The following BIRC6 variants were observed in gnomAD, a reference collection of about 807,000 sequenced individuals.
BIRC6 encodes the protein dual E2 ubiquitin-conjugating enzyme/E3 ubiquitin-protein ligase BIRC6.
In BIRC6, 98 loss-of-function variants were observed where a neutral mutation model predicts 503.3. That is an observed-to-expected ratio of 0.19 (90% CI 0.17 to 0.23). BIRC6 has a LOEUF of 0.23. Among genes scored for constraint, BIRC6 ranks in the 10% least tolerant of loss-of-function variants. The probability of loss-of-function intolerance (pLI) is 1.00; values close to 1 mark genes in which losing one functional copy is unlikely to be tolerated. For synonymous variants in BIRC6, 2,240 were observed against 2,078.7 expected (o/e 1.08, Z -2.11); for missense variants, 5,360 against 5,806.0 (o/e 0.92, Z 2.50).
Position 32,509,847 on chromosome 2 carries a change from G to T in BIRC6, c.10090G>T (p.Ala3364Ser), listed in dbSNP as rs1325788526. ...TGCTAATCTGCTGCAGACTTGTGCG[G>T]CCTTATTGATGTCACCTTACTGTGG... is the stretch of plus-strand genomic sequence containing the variant. ...PTANLLQTCAALLMSPYCGMH... is the reference protein window; with the variant it reads ...PTANLLQTCASLLMSPYCGMH... The change falls in exon 52 of 74, where the codon GCC becomes TCC. Residue 3364 changes from alanine to serine, a missense_variant. Ala to Ser is a moderately conservative substitution (Grantham distance 99). This residue lies in a region of BIRC6 where 878 missense variants were observed against 928.9 expected (regional missense o/e 0.95). Coordinates refer to ENST00000421745, the MANE Select transcript of BIRC6 (RefSeq NM_016252.4). The T allele has an allele frequency of 6.2e-7, 1 of 1,613,850 alleles. No homozygotes were observed. The highest frequency in any genetic ancestry group is 1.3e-5 in the African/African-American group (1 of 74,918).
chr2:32,467,952 C>T lies in BIRC6; in HGVS notation c.5621C>T (p.Pro1874Leu). The part of the protein sequence containing the change: ...YGSTNARAKI[P>L]LGFYYGHTYI... ...AGTACAAATGCCAGAGCCAAAATCC[C>T]ATTAGGATTTTACTATGGTCATACC... Residue 1874 changes from proline to leucine, a missense_variant, in exon 28 of 74, where the codon CCA becomes CTA. This residue lies in a region of BIRC6 where 2,299 missense variants were observed against 2,267.2 expected (regional missense o/e 1.01). Coordinates refer to ENST00000421745, the MANE Select transcript of BIRC6 (RefSeq NM_016252.4). The T allele has an allele frequency of 6.2e-7, 1 of 1,613,606 alleles. No individual in the cohort carries two copies. Among genetic ancestry groups the T allele is most frequent in the Non-Finnish European group, 8.5e-7 (1 of 1,179,752 alleles).
chr2:32,435,349 GA>G (rs1172721505), intron 13 of BIRC6, 146 bp from the exon 14 acceptor site: 3 of 814,214 alleles, frequency 3.7e-6, no homozygotes, highest in Non-Finnish European at 5.3e-6. Flanking sequence ...CATCTGTGAT[GA>G]AAATCACAGA....
At chr2:32,561,002 A>G in intron 65 of BIRC6, among the ~76,000 whole-genome samples, 1 of 151,910 alleles carries the variant, frequency 6.6e-6, no homozygotes, top group South Asian at 2.1e-4. Context: ...GGTCGAGACC[A>G]GCCTGGCCAA....
At chr2:32,562,370 A>G (rs1351725605) in intron 65 of BIRC6, among the ~76,000 whole-genome samples, 1 of 152,232 alleles carries the variant, frequency 6.6e-6, no homozygotes, top group African/African-American at 2.4e-5. Flanking sequence ...CCATATATGC[A>G]GTTCCTACTC....
chr2:32,518,283 T>A lies in BIRC6; in HGVS notation c.11379T>A (p.Pro3793=), dbSNP rs771325453. The A allele has an allele frequency of 9.3e-6, 15 of 1,613,224 alleles. No individual in the cohort carries two copies. Among genetic ancestry groups the A allele is most frequent in the Non-Finnish European group, 1.2e-5 (14 of 1,179,582 alleles). ...TTTGTGAACTATTTCAGACATCTCC[T>A]CAAAGAGGGAACCTTCCAACATCTG... The part of the protein sequence containing the change: ...QVLCELFQTS[P]QRGNLPTSGN... The change falls in exon 56 of 74, where the codon CCT becomes CCA. Residue 3793 remains proline (P), a synonymous_variant. Transcript: ENST00000421745.
At position 32,358,611 on chromosome 2, in the gene BIRC6, A is replaced by G. The variant is rs116504226; in HGVS notation, c.325+1125A>G. 7.6e-3 allele frequency among the ~76,000 whole-genome samples: 1,161 copies of G among 152,352 alleles called. 8 individuals are homozygous for G. The highest frequency in any genetic ancestry group is 0.02 in the Middle Eastern group (6 of 294). Reference sequence around the variant, plus strand: ...GTGGAAGTAGTTATGTGGTCAACCAATTCACTTGTATTTTAACGTAGACGA... The same window carrying G: ...GTGGAAGTAGTTATGTGGTCAACCAGTTCACTTGTATTTTAACGTAGACGA... On this transcript the variant is annotated intron_variant, in intron 1 of 73. Transcript: ENST00000421745.
rs185499889 is a variant in BIRC6 at position 32,443,193 on chromosome 2, C to T, written c.4239-298C>T. Among the ~76,000 whole-genome samples the T allele has an allele frequency of 7.8e-3, 1,181 of 152,184 alleles. 7 individuals are homozygous for T. The highest frequency in any genetic ancestry group is 0.016 in the African/African-American group (652 of 41,530). On this transcript the variant is annotated intron_variant, in intron 19 of 73. Transcript: ENST00000421745. ...ACTTTAGAAATTGAAACTGCATATA[C>T]GGGTTCTTAATGTTTAAAGGTTCCT...
At chr2:32,563,780 A>G (rs960670084) in intron 65 of BIRC6, 2 of 152,288 alleles carry the variant, frequency 1.3e-5, no homozygotes, top group African/African-American at 4.8e-5. Flanking sequence ...TCACCTCATA[A>G]AGAACCCTGT....
chr2:32,412,501 A>AC (rs2041992663), intron 9 of BIRC6, among the ~76,000 whole-genome samples: 2 of 152,284 alleles, frequency 1.3e-5, no homozygotes, highest in African/African-American at 4.8e-5. Flanking sequence ...TTGTCTCAAA[A>AC]AAAACAAAAA....
At chr2:32,376,436 T>C (rs1573757375) in intron 1 of BIRC6, among the ~76,000 whole-genome samples, 1 of 152,324 alleles carries the variant, frequency 6.6e-6, no homozygotes, top group East Asian at 1.9e-4. Flanking sequence ...TTTTCTTGAC[T>C]GGTGCCATGT....
Position 32,453,814 on chromosome 2 carries a change from G to T in BIRC6, c.4625G>T (p.Gly1542Val). The change falls in exon 23 of 74, where the codon GGA becomes GTA. Residue 1542 changes from glycine to valine, a missense_variant. Transcript: ENST00000421745. ...ACTTGTCTTTTGCCATTAGGAAATGGAAAGGTCAGTAGTTGCACAGCTGCT... is the reference window on the plus strand; with the variant it reads ...ACTTGTCTTTTGCCATTAGGAAATGTAAAGGTCAGTAGTTGCACAGCTGCT... ...IDLSDVLSGN[G>V]KVSSCTAAEG... is the part of the protein sequence containing the mutation. 1 of 1,612,198 alleles carries T rather than the reference G, an allele frequency of 6.2e-7. No individual in the cohort carries two copies. The highest frequency in any genetic ancestry group is 8.5e-7 in the Non-Finnish European group (1 of 1,179,274).
chr2:32,609,740 ACT>A (rs2062725995), intron 72 of BIRC6, among the ~76,000 whole-genome samples: 1 of 135,304 alleles, frequency 7.4e-6, no homozygotes, highest in Non-Finnish European at 1.6e-5. Flanking sequence ...GCACGGTGAG[ACT>A]CTGTCTCAAA....
intron 5 of BIRC6, among the ~76,000 whole-genome samples, chr2:32,392,843 T>G (rs1031863950): frequency 6.6e-6 from 1 of 151,630 alleles, no homozygotes; most frequent in Non-Finnish European, 1.5e-5. Context: ...GGGTTTCTGG[T>G]GTTGCCCAGA....
chr2:32,599,669 G>C (rs993843562), intron 69 of BIRC6, 70 bp from the exon 70 acceptor site: 1 of 1,476,332 alleles, frequency 6.8e-7, no homozygotes. Context: ...TTTCATGTTG[G>C]ATTGTATTTT....
chr2:32,580,969 G>A (rs1255272795), intron 66 of BIRC6, among the ~76,000 whole-genome samples: 1 of 152,182 alleles, frequency 6.6e-6, no homozygotes, highest in Non-Finnish European at 1.5e-5. Context: ...TAGCATAAAT[G>A]GATCTGGGAA....
chr2:32,366,232 T>G, intron 1 of BIRC6, among the ~76,000 whole-genome samples: 1 of 152,218 alleles, frequency 6.6e-6, no homozygotes, highest in East Asian at 1.9e-4. Flanking sequence ...AACGTGAATG[T>G]TTTGGGCTTT....
chr2:32,501,790 T>C lies in BIRC6; in HGVS notation c.9109T>C (p.Phe3037Leu), dbSNP rs748085415. Residue 3037 changes from phenylalanine (F) to leucine (L), a missense_variant, in exon 47 of 74, where the codon TTT becomes CTT. Transcript: ENST00000421745. ...TGCCATATCAGTTGGGGATGGATTA[T>C]TTACCATACTGACAACCCTTAGTAA... ...LDAISVGDGLFTILTTLSKKA... is the reference protein window; with the variant it reads ...LDAISVGDGLLTILTTLSKKA... 1.5e-5 allele frequency: 25 copies of C among 1,613,784 alleles called. No individual in the cohort carries two copies. Among genetic ancestry groups the C allele is most frequent in the Non-Finnish European group, 1.9e-5 (23 of 1,179,830 alleles).
At chr2:32,544,086 G>C (rs2057877414) in intron 62 of BIRC6, among the ~76,000 whole-genome samples, 1 of 152,096 alleles carries the variant, frequency 6.6e-6, no homozygotes, top group Non-Finnish European at 1.5e-5. Flanking sequence ...AAATGTATGA[G>C]AGGGGATAAG....
intron 1 of BIRC6, among the ~76,000 whole-genome samples, chr2:32,366,120 T>G (rs1212924617): frequency 6.6e-6 from 1 of 151,784 alleles, no homozygotes. Context: ...ATCCACCTGC[T>G]TCGGTCTCCC....
Sources: gnomAD v4.1 joint callset for allele counts (sites outside exome capture counted in the v4.1 genomes callset) on GRCh38, gnomAD v4.1.1 for gene constraint, gnomAD v4.1.1 regional missense constraint, MANE v1.5 for transcripts, NCBI Gene and HGNC (gene_info 2026-07-23, HGNC 2026-07-21) for gene names.